WWC1: variants seen among roughly 807,000 people sequenced by gnomAD.
The protein encoded by WWC1 is protein KIBRA.
A neutral mutation model predicts 138.4 loss-of-function variants in WWC1; 55 were observed. The observed-to-expected ratio is 0.40, with a 90% CI of 0.32 to 0.50. The LOEUF is 0.50. Ranked by LOEUF, WWC1 falls within the 20% of genes least tolerant of loss-of-function variation. The pLI is 0.72. For synonymous variants in WWC1, 524 were observed against 564.9 expected, an observed-to-expected ratio of 0.93 and a Z score of 1.03; for missense variants, 1,226 against 1,420.4, an observed-to-expected ratio of 0.86 and a Z score of 2.20.
chr5:168,336,337 G>A (rs1410595745), intron 1 of WWC1, among the ~76,000 whole-genome samples: 4 of 152,090 alleles, frequency 2.6e-5, no homozygotes, highest in African/African-American at 4.8e-5. Flanking sequence ...TTGGGAGGCC[G>A]AGGCGGGTGG....
intron 1 of WWC1, among the ~76,000 whole-genome samples, chr5:168,297,063 G>A (rs1009899954): frequency 3.9e-5 from 6 of 152,116 alleles, no homozygotes; most frequent in Non-Finnish European, 8.8e-5. Flanking sequence ...TTGACATATT[G>A]TCCCTGAACC....
At chr5:168,323,874 TC>T (rs1772324335) in intron 1 of WWC1, among the ~76,000 whole-genome samples, 1 of 151,972 alleles carries the variant, frequency 6.6e-6, no homozygotes, top group Admixed American at 6.6e-5. Context: ...CTTAAAATCA[TC>T]AGGGAATAAC....
At chr5:168,433,599 G>A (rs1235948785) in intron 15 of WWC1, among the ~76,000 whole-genome samples, 5 of 151,986 alleles carry the variant, frequency 3.3e-5, no homozygotes, top group African/African-American at 7.3e-5. Flanking sequence ...GTGCAGTGGC[G>A]TGATCTTGGC....
intron 2 of WWC1, among the ~76,000 whole-genome samples, chr5:168,379,854 C>T (rs563262981): frequency 6.6e-6 from 1 of 152,274 alleles, no homozygotes; most frequent in South Asian, 2.1e-4. Flanking sequence ...TAAAACTAAA[C>T]TCAAAATAGA....
intron 20 of WWC1, among the ~76,000 whole-genome samples, chr5:168,463,373 T>C (rs1259399680): frequency 6.6e-6 from 1 of 152,206 alleles, no homozygotes; most frequent in African/African-American, 2.4e-5. Flanking sequence ...GCTGGGGGTT[T>C]AGGGGAGCAC....
intron 19 of WWC1, among the ~76,000 whole-genome samples, chr5:168,458,396 G>A (rs558161528): frequency 3.4e-4 from 52 of 152,244 alleles, no homozygotes; most frequent in Middle Eastern, 3.4e-3. Flanking sequence ...GGGTCTGATC[G>A]TGAGTAGCCC....
intron 19 of WWC1, among the ~76,000 whole-genome samples, chr5:168,458,851 CAT>C (rs1349251423): frequency 6.6e-6 from 1 of 152,188 alleles, no homozygotes; most frequent in Non-Finnish European, 1.5e-5. Flanking sequence ...TTTTATATAA[CAT>C]AGTCTTTAAC....
intron 1 of WWC1, among the ~76,000 whole-genome samples, chr5:168,325,046 G>A (rs1772416943): frequency 6.6e-6 from 1 of 152,192 alleles, no homozygotes; most frequent in African/African-American, 2.4e-5. Flanking sequence ...GACAGATGGA[G>A]CCATTTCCTC....
At chr5:168,376,934 TA>T (rs1355678594) in intron 2 of WWC1, among the ~76,000 whole-genome samples, 1 of 152,162 alleles carries the variant, frequency 6.6e-6, no homozygotes, top group African/African-American at 2.4e-5. Flanking sequence ...AAAACTATTC[TA>T]AATTCATTTC....
chr5:168,397,620 C>A, intron 3 of WWC1, 104 bp from the exon 4 acceptor site: 1 of 1,212,568 alleles, frequency 8.2e-7, no homozygotes, highest in Non-Finnish European at 1.2e-6. Flanking sequence ...AGGTTGTTCA[C>A]TTTTAGTCCT....
chr5:168,331,461 G>A (rs2152767163), intron 1 of WWC1, among the ~76,000 whole-genome samples: 1 of 152,266 alleles, frequency 6.6e-6, no homozygotes, highest in South Asian at 2.1e-4. Flanking sequence ...TACCTGCCTG[G>A]GTCATGCTGG....
intron 11 of WWC1, 130 bp from the exon 12 acceptor site, chr5:168,427,903 G>A: frequency 1.5e-6 from 1 of 667,768 alleles, no homozygotes; most frequent in Admixed American, 2.3e-5. Flanking sequence ...CGAGGCTGCA[G>A]TGAGCCATGA....
In WWC1 at chr5:168,414,484, C is replaced by A; in HGVS notation, c.1078C>A (p.Arg360Ser). ...LLKEMRFISP[R>S]KWTQGEVEQL... ...GAAGGAGATGCGCTTCATCAGCCCCCGCAAGTGGACCCAGGGGGAGGTGGA... is the reference window on the plus strand; with the variant it reads ...GAAGGAGATGCGCTTCATCAGCCCCAGCAAGTGGACCCAGGGGGAGGTGGA... Residue 360 changes from arginine to serine, a missense_variant, in exon 9 of 23, where the codon CGC becomes AGC. This residue lies in a region of WWC1 where 1,016 missense variants were observed against 1,153.9 expected (regional missense o/e 0.88). Coordinates refer to ENST00000265293, the MANE Select transcript of WWC1 (RefSeq NM_015238.3). 1 of 1,562,318 alleles carries A rather than the reference C, an allele frequency of 6.4e-7. No homozygotes were observed. The highest frequency in any genetic ancestry group is 8.7e-7 in the Non-Finnish European group (1 of 1,152,684).
intron 18 of WWC1, 121 bp from the exon 19 acceptor site, chr5:168,455,235 C>T: frequency 1.6e-6 from 2 of 1,264,832 alleles, no homozygotes; most frequent in Non-Finnish European, 2.2e-6. Flanking sequence ...CAAGGAAACC[C>T]TGGTTGTGTC....
In WWC1 at chr5:168,441,687, C is replaced by T. The variant is rs149891366; in HGVS notation, c.2286C>T (p.Gly762=). The part of the protein sequence containing the change: ...DRSHLEECLG[G]AQISLAEVCR... ...CTTGTTTCCATCCCCAACAGGGAGG[C>T]GCCCAGATCAGCCTGGCGGAGGTCT... Residue 762 remains glycine (G), a synonymous_variant, in exon 16 of 23, where the codon GGC becomes GGT. Coordinates refer to ENST00000265293, the MANE Select transcript of WWC1 (RefSeq NM_015238.3). 63 of 1,613,582 alleles carry T rather than the reference C, an allele frequency of 3.9e-5. No homozygotes were observed. The highest frequency in any genetic ancestry group is 2.3e-4 in the African/African-American group (17 of 74,918).
rs1396099827 is a variant in WWC1, at chr5:168,325,641, CT to C, written c.119+33375del. On this transcript the variant is annotated intron_variant, in intron 1 of 22. Coordinates refer to ENST00000265293, the MANE Select transcript of WWC1 (RefSeq NM_015238.3). ...TCCATGTGAGAAATGATTTCTTTTC[CT>C]TTTTAAAAAATTGTGGTAAAATATA... Among the ~76,000 whole-genome samples the C allele has an allele frequency of 2.0e-5, 3 of 152,242 alleles. No homozygotes were observed. The East Asian group carries it at 5.8e-4, about 29-fold the overall frequency.
At position 168,430,866 on chromosome 5, in the gene WWC1, C is replaced by T. The variant is rs11953204; in HGVS notation, c.2088-386C>T. Reference sequence around the variant, plus strand: ...ACACTCAGCCAGCCTGTGAGGGTGGCACATGTGGGAAGAAGAAAGGGCAGG... The same window carrying T: ...ACACTCAGCCAGCCTGTGAGGGTGGTACATGTGGGAAGAAGAAAGGGCAGG... On this transcript the variant is annotated intron_variant, in intron 14 of 22. Transcript: ENST00000265293. Among the ~76,000 whole-genome samples the T allele has an allele frequency of 7.6e-3, 1,164 of 152,226 alleles. 8 individuals carry two copies. Among genetic ancestry groups the T allele is most frequent in the Middle Eastern group, 0.044 (13 of 294 alleles).
chr5:168,302,780 G>A (rs865898619), intron 1 of WWC1, among the ~76,000 whole-genome samples: 1 of 152,196 alleles, frequency 6.6e-6, no homozygotes, highest in Non-Finnish European at 1.5e-5. Flanking sequence ...ACAAATATTT[G>A]TTGGATAGTG....
intron 3 of WWC1, 130 bp downstream of exon 3, chr5:168,385,544 G>A: frequency 1.1e-6 from 1 of 897,886 alleles, no homozygotes; most frequent in South Asian, 1.7e-5. Context: ...CCACCATCTT[G>A]TTTACTGCTC....
Sources: allele counts gnomAD v4.1 joint callset (sites outside exome capture counted in the v4.1 genomes callset), GRCh38; gene constraint gnomAD v4.1.1; regional missense constraint gnomAD v4.1.1; transcripts MANE v1.5; gene names NCBI Gene and HGNC (gene_info 2026-07-23, HGNC 2026-07-21).